Variants in SEMA6D observed in about 807,000 individuals in gnomAD.
The protein encoded by SEMA6D is semaphorin-6D.
A neutral mutation model predicts 106.6 loss-of-function variants in SEMA6D; 35 were observed. The ratio of observed to expected loss-of-function variants is 0.33; its 90% CI spans 0.25 to 0.44. The LOEUF is 0.44. Among genes scored for constraint, SEMA6D ranks in the 20% least tolerant of loss-of-function variants. SEMA6D has a pLI of 1.00. For missense variants in SEMA6D, 1,185 were observed against 1,345.9 expected (o/e 0.88, Z 1.87); for synonymous variants, 499 against 487.7 (o/e 1.02, Z -0.31).
At chr15:47,739,564 T>C (rs1279376420) in intron 1 of SEMA6D, among the ~76,000 whole-genome samples, 1 of 152,210 alleles carries the variant, frequency 6.6e-6, no homozygotes, top group African/African-American at 2.4e-5. Flanking sequence ...ATAATGACAT[T>C]AGGCATATTT....
At chr15:47,264,889 T>A (rs1204501206) in intron 1 of SEMA6D, among the ~76,000 whole-genome samples, 1 of 152,140 alleles carries the variant, frequency 6.6e-6, no homozygotes, top group East Asian at 1.9e-4. Flanking sequence ...AATTTTTCTC[T>A]ATGGATTTAG....
At chr15:47,618,400 C>T (rs2077043182) in intron 4 of SEMA6D, among the ~76,000 whole-genome samples, 1 of 152,224 alleles carries the variant, frequency 6.6e-6, no homozygotes, top group South Asian at 2.1e-4. Context: ...AAGCAATAGG[C>T]TGGTGCCATG....
chr15:47,687,953 C>T (rs557879829), intron 4 of SEMA6D, among the ~76,000 whole-genome samples: 1 of 152,200 alleles, frequency 6.6e-6, no homozygotes, highest in East Asian at 1.9e-4. Flanking sequence ...ATTTTGATAG[C>T]TCATGTTCCT....
chr15:47,428,591 G>T lies in SEMA6D; in HGVS notation c.-159+16119G>T, dbSNP rs566243806. On this transcript the variant is annotated intron_variant, in intron 2 of 19. Coordinates refer to the SEMA6D transcript ENST00000558014. ...GAGTTCAAGACCAACATGGCCAACA[G>T]GAGGAAGCCCTGTCTCTACTGAAAA... is the stretch of plus-strand genomic sequence containing the variant. Among the ~76,000 whole-genome samples, 9 of 33,988 alleles carry T rather than the reference G, an allele frequency of 2.6e-4. 2 individuals are homozygous for T. The highest frequency in any genetic ancestry group is 8.1e-4 in the African/African-American group (9 of 11,076). 22.3% of individuals were successfully genotyped at this position (33,988 alleles called of 152,430 possible). A position where few individuals can be genotyped will look rare whatever the true frequency, so the allele number is the denominator to read the frequency against.
At chr15:47,340,011 G>A (rs927509494) in intron 1 of SEMA6D, among the ~76,000 whole-genome samples, 1 of 152,162 alleles carries the variant, frequency 6.6e-6, no homozygotes, top group African/African-American at 2.4e-5. Context: ...GTTTAATCAC[G>A]TGACCTTTGA....
chr15:47,218,375 C>T (rs2030865888), intron 1 of SEMA6D, among the ~76,000 whole-genome samples: 1 of 152,114 alleles, frequency 6.6e-6, no homozygotes, highest in African/African-American at 2.4e-5. Context: ...AGTTAAAATG[C>T]TTCAGTCAAC....
At chr15:47,554,397 A>C (rs1284033602) in intron 3 of SEMA6D, among the ~76,000 whole-genome samples, 1 of 152,246 alleles carries the variant, frequency 6.6e-6, no homozygotes, top group Non-Finnish European at 1.5e-5. Context: ...GCAGTTCACA[A>C]GTACAGTGCT....
intron 1 of SEMA6D, among the ~76,000 whole-genome samples, chr15:47,757,776 C>A (rs181844735): frequency 1.2e-4 from 18 of 152,174 alleles, no homozygotes; most frequent in Admixed American, 9.8e-4. Context: ...TATCTTTTCC[C>A]CAGGCCCTTA....
chr15:47,242,312 G>A (rs1348339716), intron 1 of SEMA6D, among the ~76,000 whole-genome samples: 1 of 152,038 alleles, frequency 6.6e-6, no homozygotes, highest in Non-Finnish European at 1.5e-5. Flanking sequence ...GCTATTTTGA[G>A]GTATCAACCC....
intron 1 of SEMA6D, among the ~76,000 whole-genome samples, chr15:47,281,683 T>G (rs182645315): frequency 1.3e-5 from 2 of 152,298 alleles, no homozygotes; most frequent in East Asian, 1.9e-4. Context: ...TTTGATATAA[T>G]GTCTGTGCAT....
intron 1 of SEMA6D, among the ~76,000 whole-genome samples, chr15:47,318,873 C>T (rs1452597786): frequency 5.3e-5 from 8 of 151,166 alleles, no homozygotes; most frequent in Non-Finnish European, 8.8e-5. Flanking sequence ...AACTAGTTTA[C>T]AGTCCCACCA....
At chr15:47,237,445 T>C (rs964211751) in intron 1 of SEMA6D, among the ~76,000 whole-genome samples, 2 of 52,354 alleles carry the variant, frequency 3.8e-5, no homozygotes, top group African/African-American at 7.6e-5. Flanking sequence ...TTTTCACTTA[T>C]TGTTCTCTCA....
At chr15:47,750,638 C>G (rs1399617911) in intron 1 of SEMA6D, among the ~76,000 whole-genome samples, 1 of 152,206 alleles carries the variant, frequency 6.6e-6, no homozygotes, top group Non-Finnish European at 1.5e-5. Flanking sequence ...GAAGGTGAGT[C>G]ACAGAGCTGC....
chr15:47,309,471 T>G (rs1280159370), intron 1 of SEMA6D, among the ~76,000 whole-genome samples: 3 of 152,126 alleles, frequency 2.0e-5, no homozygotes, highest in African/African-American at 7.2e-5. Context: ...ATGGTCCCAA[T>G]GCACAAGAGT....
intron 1 of SEMA6D, among the ~76,000 whole-genome samples, chr15:47,275,441 CAT>C (rs781067905): frequency 5.3e-5 from 8 of 152,072 alleles, no homozygotes; most frequent in Non-Finnish European, 8.8e-5. Flanking sequence ...ATTTTTCCAA[CAT>C]GTGCTCACTT....
At chr15:47,330,536 G>A (rs1318585079) in intron 1 of SEMA6D, among the ~76,000 whole-genome samples, 1 of 152,138 alleles carries the variant, frequency 6.6e-6, no homozygotes, top group Non-Finnish European at 1.5e-5. Flanking sequence ...GGCGTGCAGA[G>A]GTGAGGGAGC....
chr15:47,590,351 C>T (rs1002273325), intron 3 of SEMA6D, among the ~76,000 whole-genome samples: 4 of 107,466 alleles, frequency 3.7e-5, no homozygotes, highest in East Asian at 5.8e-4. Context: ...AGACACAGGG[C>T]GGGGAACATC....
intron 1 of SEMA6D, among the ~76,000 whole-genome samples, chr15:47,725,718 C>T (rs1289258155): frequency 6.6e-6 from 1 of 152,000 alleles, no homozygotes; most frequent in African/African-American, 2.4e-5. Context: ...CAGGAAAGAC[C>T]AGAAGTTCTG....
intron 1 of SEMA6D, chr15:47,275,225 G>C (rs2034745259): frequency 6.6e-6 from 1 of 152,032 alleles, no homozygotes; most frequent in South Asian, 2.1e-4. Context: ...CAATCACCTT[G>C]AAAAATACAA....
Sources: gnomAD v4.1 joint callset for allele counts (sites outside exome capture counted in the v4.1 genomes callset) on GRCh38, gnomAD v4.1.1 for gene constraint, MANE v1.5 for transcripts, NCBI Gene and HGNC (gene_info 2026-07-23, HGNC 2026-07-21) for gene names.